The following STON2 variants were observed in gnomAD, a reference collection of about 807,000 sequenced individuals.
The protein encoded by STON2 is stonin-2.
A neutral mutation model predicts 65.7 loss-of-function variants in STON2; 29 were observed. That is an observed-to-expected ratio of 0.44 (90% confidence interval 0.33 to 0.60). The LOEUF (loss-of-function observed/expected upper bound fraction) is 0.60. STON2 is among the 20% of genes least tolerant of loss of function. STON2 has a pLI of 0.03. For missense variants in STON2, 1,054 were observed against 1,118.1 expected (o/e 0.94, Z 0.82); for synonymous variants, 404 against 414.2 (o/e 0.98, Z 0.30).
intron 2 of STON2, among the ~76,000 whole-genome samples, chr14:81,422,715 G>C (rs1361313436): frequency 6.6e-6 from 1 of 152,136 alleles, no homozygotes; most frequent in Admixed American, 6.5e-5. Context: ...TAAGTGCACG[G>C]GTTTCTGTGG....
chr14:81,380,643 T>C (rs79120488), intron 3 of STON2, among the ~76,000 whole-genome samples: 3 of 151,678 alleles, frequency 2.0e-5, no homozygotes, highest in Non-Finnish European at 2.9e-5. Context: ...TACGCAGCCA[T>C]AAAAAAAATG....
intron 2 of STON2, among the ~76,000 whole-genome samples, chr14:81,408,237 T>C (rs1256104218): frequency 6.6e-6 from 1 of 152,154 alleles, no homozygotes; most frequent in African/African-American, 2.4e-5. Flanking sequence ...CCTGGTTGTT[T>C]GCTCTTATTA....
chr14:81,434,059 G>A (rs1489869372), intron 1 of STON2, among the ~76,000 whole-genome samples: 1 of 152,036 alleles, frequency 6.6e-6, no homozygotes, highest in Non-Finnish European at 1.5e-5. Flanking sequence ...TCTTTCCCAG[G>A]TATAACTTTT....
At chr14:81,408,155 A>ACG (rs1320358918) in intron 2 of STON2, among the ~76,000 whole-genome samples, 24 of 128,504 alleles carry the variant, frequency 1.9e-4, no homozygotes, top group Non-Finnish European at 3.3e-4. Flanking sequence ...ACACACACAC[A>ACG]CACGCGCACA....
Position 81,277,621 on chromosome 14 carries a change from G to A in STON2, c.1861C>T (p.Leu621Phe). ...VLSMDLSTVGLNYLEEEITVD... is the reference protein window; with the variant it reads ...VLSMDLSTVGFNYLEEEITVD... ...GTAATCTCCTCTTCAAGGTAGTTGA[G>A]GCCAACTGTGCTCAAGTCCATTGAC... Residue 621 changes from leucine to phenylalanine, a missense_variant, in exon 6 of 8, where the codon CTC (leucine) becomes TTC (phenylalanine). Transcript: ENST00000614646. The A allele has an allele frequency of 6.2e-7, 1 of 1,614,092 alleles. No homozygotes were observed. The highest frequency in any genetic ancestry group is 8.5e-7 in the Non-Finnish European group (1 of 1,180,002).
chr14:81,289,826 G>A (rs1343587823), intron 5 of STON2, among the ~76,000 whole-genome samples: 6 of 152,114 alleles, frequency 3.9e-5, no homozygotes, highest in Admixed American at 2.0e-4. Context: ...TCATCCATCC[G>A]TCCGTTGGCC....
rs371192635 is a variant in STON2 at position 81,277,755 on chromosome 14, G to C, written c.1727C>G (p.Ala576Gly). 172 of 1,614,134 alleles carry C rather than the reference G, an allele frequency of 1.1e-4. No homozygotes were observed. The highest frequency in any genetic ancestry group is 1.3e-4 in the Non-Finnish European group (158 of 1,179,990). ...KKKYQPKPAV[A>G]HTAEREQVIK... Reference sequence around the variant, plus strand: ...CACCTGTTCCCTCTCTGCTGTGTGGGCCACAGCAGGTTTGGGCTGGTATTT... The same window carrying C: ...CACCTGTTCCCTCTCTGCTGTGTGGCCCACAGCAGGTTTGGGCTGGTATTT... The change falls in exon 6 of 8, where the codon GCC (alanine) becomes GGC (glycine). Residue 576 changes from alanine to glycine, a missense_variant. Ala to Gly is a moderately conservative substitution (Grantham distance 60, BLOSUM62 0). Transcript: ENST00000614646.
At chr14:81,420,381 T>A (rs767460130) in intron 2 of STON2, among the ~76,000 whole-genome samples, 1 of 152,230 alleles carries the variant, frequency 6.6e-6, no homozygotes, top group Non-Finnish European at 1.5e-5. Flanking sequence ...TCATGGAGCA[T>A]CTGCAGGTTT....
At chr14:81,423,836 T>C (rs939073459) in intron 2 of STON2, among the ~76,000 whole-genome samples, 1 of 152,130 alleles carries the variant, frequency 6.6e-6, no homozygotes, top group Non-Finnish European at 1.5e-5. Flanking sequence ...CTGGGGCATG[T>C]GGGTGTCTCC....
intron 6 of STON2, among the ~76,000 whole-genome samples, chr14:81,271,217 G>A (rs995820705): frequency 6.6e-6 from 1 of 152,228 alleles, no homozygotes; most frequent in Non-Finnish European, 1.5e-5. Context: ...GAATGGAATG[G>A]AAGGGATCAG....
At chr14:81,405,789 A>G (rs1256980449) in intron 2 of STON2, among the ~76,000 whole-genome samples, 2 of 152,168 alleles carry the variant, frequency 1.3e-5, no homozygotes, top group Non-Finnish European at 2.9e-5. Context: ...TTGAGCGTCA[A>G]CTTGATTGGA....
intron 4 of STON2, among the ~76,000 whole-genome samples, chr14:81,332,743 A>G (rs1446859376): frequency 6.6e-6 from 1 of 152,242 alleles, no homozygotes; most frequent in Non-Finnish European, 1.5e-5. Flanking sequence ...TGTCATAATA[A>G]CTATAATAAA....
At chr14:81,275,297 A>T (rs1276655003) in intron 6 of STON2, among the ~76,000 whole-genome samples, 1 of 152,190 alleles carries the variant, frequency 6.6e-6, no homozygotes, top group Non-Finnish European at 1.5e-5. Flanking sequence ...TTCATCTACC[A>T]GGAGGCACCA....
rs1048265053 is a variant in STON2, at chr14:81,266,200, C to T, written c.*2214G>A. 4.7e-5 allele frequency: 31 copies of T among 657,278 alleles called. No homozygotes were observed. The African/African-American group carries it at 5.9e-4, about 13-fold the overall frequency. The allele number at this position is 657,278 out of a possible 1,614,324, so 40.7% of individuals were successfully genotyped here. A position where few individuals can be genotyped will look rare whatever the true frequency, so the allele number is the denominator to read the frequency against. On this transcript the variant is annotated 3_prime_UTR_variant, in exon 8 of 8. Transcript: ENST00000614646. The stretch of plus-strand genomic sequence containing the variant: ...CAATGTAAGATTCCCTTTCACAGCA[C>T]GTGGGATAGGTGGTTATTTTAACTG...
chr14:81,430,073 C>A (rs1355242875), intron 1 of STON2, among the ~76,000 whole-genome samples: 2 of 152,172 alleles, frequency 1.3e-5, no homozygotes, highest in Non-Finnish European at 2.9e-5. Flanking sequence ...TTCACTTAGA[C>A]CCATTCCTTC....
chr14:81,319,294 C>T (rs775875377), intron 5 of STON2, among the ~76,000 whole-genome samples: 8 of 152,122 alleles, frequency 5.3e-5, no homozygotes, highest in African/African-American at 1.7e-4. Context: ...TTTCTTACTA[C>T]ATTATAAGTA....
At chr14:81,357,736 T>C (rs1161462386) in intron 4 of STON2, among the ~76,000 whole-genome samples, 1 of 152,050 alleles carries the variant, frequency 6.6e-6, no homozygotes, top group Non-Finnish European at 1.5e-5. Flanking sequence ...TTGTCCTTTG[T>C]AGGGACATGG....
At chr14:81,415,465 T>C (rs770060648) in intron 2 of STON2, among the ~76,000 whole-genome samples, 7 of 152,038 alleles carry the variant, frequency 4.6e-5, no homozygotes, top group Non-Finnish European at 2.9e-5. Flanking sequence ...GCCCCCAATG[T>C]GCTGAGCCCT....
At chr14:81,420,847 T>C (rs1158338421) in intron 2 of STON2, among the ~76,000 whole-genome samples, 1 of 152,152 alleles carries the variant, frequency 6.6e-6, no homozygotes, top group Non-Finnish European at 1.5e-5. Flanking sequence ...AAACTGTTGT[T>C]TGCTATCAAA....
Sources: gnomAD v4.1 joint callset for allele counts (sites outside exome capture counted in the v4.1 genomes callset) on GRCh38, gnomAD v4.1.1 for gene constraint, MANE v1.5 for transcripts, NCBI Gene and HGNC (gene_info 2026-07-23, HGNC 2026-07-21) for gene names.